The following CDK17 variants were observed in gnomAD, a reference collection of about 807,000 sequenced individuals.
CDK17 encodes cyclin-dependent kinase 17.
Under a neutral mutation model 77.6 loss-of-function variants are expected in CDK17, and 24 were observed. The ratio of observed to expected loss-of-function variants is 0.31; its 90% CI spans 0.22 to 0.44. The LOEUF is 0.44. Among genes scored for constraint, CDK17 ranks in the 20% least tolerant of loss-of-function variants. CDK17 has a pLI of 1.00. For synonymous variants in CDK17, 203 were observed against 210.4 expected (o/e 0.96, Z 0.30); for missense variants, 429 against 622.5 (o/e 0.69, Z 3.31).
At chr12:96,287,304 GATGGTGGTTCAGAGAATAGA>G (rs1198553224) in intron 11 of CDK17, among the ~76,000 whole-genome samples, 1 of 152,152 alleles carries the variant, frequency 6.6e-6, no homozygotes. Context: ...AAAAGAAAAG[GATGGTGGTTCAGAGAATAGA>G]ATGGTGGTTC....
rs189665091 is a variant in CDK17, at chr12:96,288,679, G to T, written c.1118+488C>A. ...GGGTGGCAATAACGGTGTCTGAGTA[G>T]AAGAGTGTCAGGATCGAAGCGGTGT... On this transcript the variant is annotated intron_variant, in intron 11 of 16. Transcript: ENST00000261211. Among the ~76,000 whole-genome samples the T allele has an allele frequency of 7.9e-5, 12 of 152,322 alleles. No homozygotes were observed. The East Asian group carries it at 2.3e-3, about 29-fold the overall frequency.
chr12:96,299,001 A>T lies in CDK17; in HGVS notation c.601-18T>A. 2 of 1,219,658 alleles carry T rather than the reference A, an allele frequency of 1.6e-6. No individual in the cohort carries two copies. The highest frequency in any genetic ancestry group is 2.4e-6 in the Non-Finnish European group (2 of 835,310). The allele number at this position is 1,219,658 out of a possible 1,614,324, so 75.6% of individuals were successfully genotyped here. A position where few individuals can be genotyped will look rare whatever the true frequency, so the allele number is the denominator to read the frequency against. On this transcript the variant is annotated intron_variant, in intron 6 of 16. Coordinates refer to ENST00000261211, the MANE Select transcript of CDK17 (RefSeq NM_002595.5). ...TATGTACCCTATAAAATATATTTTT[A>T]AAGGACGCATCAAAAGTATCATAAG... is the stretch of plus-strand genomic sequence containing the variant.
intron 1 of CDK17, among the ~76,000 whole-genome samples, chr12:96,392,527 T>A (rs558348082): frequency 1.3e-5 from 2 of 152,184 alleles, no homozygotes; most frequent in East Asian, 3.9e-4. Context: ...TAAAAGATAT[T>A]TAGGAATTAA....
intron 5 of CDK17, among the ~76,000 whole-genome samples, chr12:96,310,669 T>C (rs1565814006): frequency 6.6e-6 from 1 of 151,594 alleles, no homozygotes; most frequent in South Asian, 2.1e-4. Context: ...TATATTAACA[T>C]TTCAAAGGTT....
chr12:96,392,156 T>C (rs561773827), intron 1 of CDK17, among the ~76,000 whole-genome samples: 1 of 152,256 alleles, frequency 6.6e-6, no homozygotes, highest in African/African-American at 2.4e-5. Context: ...TATACATAAA[T>C]ACTATATAGC....
At chr12:96,300,122 GA>G (rs1302170943) in intron 6 of CDK17, among the ~76,000 whole-genome samples, 181 bp downstream of exon 6, 2 of 152,110 alleles carry the variant, frequency 1.3e-5, no homozygotes, top group Non-Finnish European at 2.9e-5. Flanking sequence ...AAACTGATGG[GA>G]TAATTTCAAG....
At chr12:96,308,229 TAAAA>T (rs61572243) in intron 5 of CDK17, among the ~76,000 whole-genome samples, 1 of 63,744 alleles carries the variant, frequency 1.6e-5, no homozygotes, top group Admixed American at 2.0e-4. Flanking sequence ...ATGCCATCTC[TAAAA>T]AAAAAAAAAA....
chr12:96,295,632 A>G (rs561178565), intron 9 of CDK17, among the ~76,000 whole-genome samples: 5 of 152,118 alleles, frequency 3.3e-5, no homozygotes, highest in Non-Finnish European at 7.4e-5. Context: ...TATCAAAGAG[A>G]AAGCTGCTGC....
chr12:96,394,318 A>T (rs1954129750), intron 1 of CDK17, among the ~76,000 whole-genome samples: 2 of 152,184 alleles, frequency 1.3e-5, no homozygotes, highest in Admixed American at 1.3e-4. Context: ...CATACTAATA[A>T]CAAACATTAC....
chr12:96,325,678 C>T (rs1952884258), intron 2 of CDK17, among the ~76,000 whole-genome samples: 1 of 152,190 alleles, frequency 6.6e-6, no homozygotes, highest in Admixed American at 6.5e-5. Flanking sequence ...CCTAGTAATA[C>T]AGAACATGTG....
At chr12:96,298,043 C>A (rs1040052713) in intron 7 of CDK17, among the ~76,000 whole-genome samples, 20 of 152,064 alleles carry the variant, frequency 1.3e-4, no homozygotes, top group Admixed American at 8.5e-4. Context: ...GTAATCCCAG[C>A]ACTTTGGAAG....
chr12:96,279,112 G>A lies in CDK17; in HGVS notation c.*1130C>T, dbSNP rs1565799523. On this transcript the variant is annotated 3_prime_UTR_variant, in exon 17 of 17. Coordinates refer to ENST00000261211, the MANE Select transcript of CDK17 (RefSeq NM_002595.5). ...AGTGAACAAAAATGCTTAAAATACT[G>A]TTACCAACACCAAAGTGTGTTTATG... 1 of 152,456 alleles carries A rather than the reference G, an allele frequency of 6.6e-6. No homozygotes were observed. The highest frequency in any genetic ancestry group is 1.5e-5 in the Non-Finnish European group (1 of 67,980). The allele number at this position is 152,456 out of a possible 1,614,324, so 9.4% of individuals were successfully genotyped here.
chr12:96,371,794 C>G (rs992099419), intron 1 of CDK17, among the ~76,000 whole-genome samples: 4 of 152,090 alleles, frequency 2.6e-5, no homozygotes, highest in African/African-American at 7.3e-5. Flanking sequence ...TGAATTATTA[C>G]ATGACATATT....
intron 5 of CDK17, among the ~76,000 whole-genome samples, chr12:96,301,025 C>T (rs541567274): frequency 6.6e-6 from 1 of 152,170 alleles, no homozygotes; most frequent in Admixed American, 6.5e-5. Context: ...AACAAAATTG[C>T]AAAATAAATA....
At chr12:96,393,129 C>G (rs547439156) in intron 1 of CDK17, among the ~76,000 whole-genome samples, 5 of 151,896 alleles carry the variant, frequency 3.3e-5, no homozygotes, top group Non-Finnish European at 5.9e-5. Context: ...CTTTGGGAAG[C>G]TGAGGCGGGT....
chr12:96,316,677 G>A (rs574287426), intron 3 of CDK17, among the ~76,000 whole-genome samples: 1 of 127,354 alleles, frequency 7.9e-6, no homozygotes, highest in Non-Finnish European at 1.7e-5. Context: ...TAACTGTGAG[G>A]CACCCCCCAG....
intron 1 of CDK17, among the ~76,000 whole-genome samples, chr12:96,371,689 G>A (rs1465659126): frequency 1.3e-5 from 2 of 151,942 alleles, no homozygotes; most frequent in East Asian, 3.9e-4. Flanking sequence ...CCGAGATCAG[G>A]CCATTGCACT....
chr12:96,341,237 G>A (rs1161024478), intron 1 of CDK17, among the ~76,000 whole-genome samples: 2 of 151,968 alleles, frequency 1.3e-5, no homozygotes, highest in East Asian at 1.9e-4. Context: ...ACATTTCAGT[G>A]TAAATGTCAT....
Position 96,400,029 on chromosome 12 carries a change from G to C in CDK17, c.-73C>G. On this transcript the variant is annotated 5_prime_UTR_variant, in exon 1 of 17. Transcript: ENST00000261211. ...CGGGTCCCGAGGCGAGGCGAAGAGAGGCGCGGGGGGAAGCTGCTCCGCGGA... is the reference window on the plus strand; with the variant it reads ...CGGGTCCCGAGGCGAGGCGAAGAGACGCGCGGGGGGAAGCTGCTCCGCGGA... 1 of 386,238 alleles carries C rather than the reference G, an allele frequency of 2.6e-6. No individual in the cohort carries two copies. Among genetic ancestry groups the C allele is most frequent in the Non-Finnish European group, 4.6e-6 (1 of 218,494 alleles). 23.9% of individuals were successfully genotyped at this position (386,238 alleles called of 1,614,324 possible). A position where few individuals can be genotyped will look rare whatever the true frequency, so the allele number is the denominator to read the frequency against.
Sources: gnomAD v4.1 joint callset for allele counts (sites outside exome capture counted in the v4.1 genomes callset) on GRCh38, gnomAD v4.1.1 for gene constraint, MANE v1.5 for transcripts, NCBI Gene and HGNC (gene_info 2026-07-23, HGNC 2026-07-21) for gene names.